Variants in DENND3 observed in about 807,000 individuals in gnomAD.
DENND3 encodes the protein DENN domain containing 3, also known as DENN domain-containing protein 3.
Under a neutral mutation model 135.1 loss-of-function variants are expected in DENND3, and 88 were observed. The ratio of observed to expected loss-of-function variants is 0.65; its 90% CI spans 0.55 to 0.78. The LOEUF is 0.78. Ranked by LOEUF, DENND3 falls within the 30% of genes least tolerant of loss-of-function variation. The pLI, the probability that DENND3 is intolerant of heterozygous loss-of-function variation, is 0.00. For missense variants in DENND3, 1,392 were observed against 1,688.4 expected (o/e 0.82, Z 3.08); for synonymous variants, 693 against 712.3 (o/e 0.97, Z 0.43).
rs1185588730 is a variant in DENND3 at position 141,137,101 on chromosome 8, T to C, written c.385+310T>C. 6.6e-6 allele frequency among the ~76,000 whole-genome samples: 1 copy of C among 152,166 alleles called. No individual in the cohort carries two copies. Among genetic ancestry groups the C allele is most frequent in the Non-Finnish European group, 1.5e-5 (1 of 68,024 alleles). ...TTCAAGTGATTCTTCTGCGTCAGCC[T>C]CTCAAGTAGCTGGGATTACAGGTGC... On this transcript the variant is annotated intron_variant, in intron 2 of 22. Transcript: ENST00000519811. This position sits in a 1 kb window ranked among gnomAD's most constrained non-coding sequence, Gnocchi z 4.1.
chr8:141,141,113 T>G lies in DENND3; in HGVS notation c.502-90T>G. The G allele has an allele frequency of 1.3e-6, 2 of 1,589,938 alleles. No homozygotes were observed. Among genetic ancestry groups the G allele is most frequent in the Non-Finnish European group, 1.7e-6 (2 of 1,164,420 alleles). ...GGGTGGGGATGGTGGACTCTCAGCT[T>G]GCTGTGTGCTGAAACGTGACCCAGT... On this transcript the variant is annotated intron_variant, in intron 3 of 22. Coordinates refer to ENST00000519811, the MANE Select transcript of DENND3 (RefSeq NM_001352890.3). The surrounding 1 kb of genome is among the most constrained non-coding windows in gnomAD (Gnocchi z 5.3).
At chr8:141,190,598 G>T in intron 20 of DENND3, 181 bp downstream of exon 20, 2 of 921,198 alleles carry the variant, frequency 2.2e-6, no homozygotes, top group Non-Finnish European at 3.0e-6. Context: ...TGCTCCTGGG[G>T]GCTCCCCAGG....
Position 141,163,427 on chromosome 8 carries a change from C to T in DENND3, c.1447C>T (p.Gln483Ter), listed in dbSNP as rs1290215150. ...RAPGDHQFYK[Q>*]VLDTYMFHSF... ...TCCAGGGGACCATCAGTTTTATAAG[C>T]AGGTGAGAGCTGTGGGATTTGGGTG... The change falls in exon 10 of 23, where the codon CAG (glutamine) becomes TAG (stop). Residue 483 changes from glutamine to a stop codon, truncating the protein, a stop_gained and splice_region_variant. Transcript: ENST00000519811. LOFTEE classifies it high-confidence loss of function. The T allele has an allele frequency of 6.2e-7, 1 of 1,604,768 alleles. No homozygotes were observed.
rs1021266305 is a variant in DENND3, at chr8:141,138,973, T to C, written c.501+836T>C. 3.9e-5 allele frequency among the ~76,000 whole-genome samples: 6 copies of C among 152,212 alleles called. No individual in the cohort carries two copies. The highest frequency in any genetic ancestry group is 1.4e-4 in the African/African-American group (6 of 41,438). On this transcript the variant is annotated intron_variant, in intron 3 of 22. Transcript: ENST00000519811. The surrounding 1 kb of genome is among the most constrained non-coding windows in gnomAD (Gnocchi z 4.8). ...CGTTTAGACTTTACAACACATTACA[T>C]CTGTCACACATATTGGGAGTGTTGT...
chr8:141,141,685 C>T lies in DENND3; in HGVS notation c.623+361C>T. On this transcript the variant is annotated intron_variant, in intron 4 of 22. Transcript: ENST00000519811. The surrounding 1 kb of genome is among the most constrained non-coding windows in gnomAD (Gnocchi z 5.3). ...ACAAAAAGGCATATATTAGGAAAAA[C>T]TCTTTTCCTAGCTGAGAATATTAGG... 4.3e-6 allele frequency: 1 copy of T among 231,192 alleles called. No homozygotes were observed. The highest frequency in any genetic ancestry group is 5.5e-5 in the South Asian group (1 of 18,220). The allele number at this position is 231,192 out of a possible 1,614,324, so 14.3% of individuals were successfully genotyped here. A position where few individuals can be genotyped will look rare whatever the true frequency, so the allele number is the denominator to read the frequency against.
chr8:141,192,166 A>G, intron 20 of DENND3, 165 bp from the exon 21 acceptor site: 1 of 853,640 alleles, frequency 1.2e-6, no homozygotes, highest in Non-Finnish European at 1.7e-6. Context: ...TCTAGCTTGC[A>G]TTTTTTCCCA....
At chr8:141,142,680 G>A (rs899571709) in intron 4 of DENND3, 10 of 247,090 alleles carry the variant, frequency 4.0e-5, no homozygotes, top group East Asian at 1.5e-4. Flanking sequence ...TGTCACCAGC[G>A]CCCAGGAAGT....
rs370424912 is a variant in DENND3, at chr8:141,150,878, A to G, written c.780A>G (p.Ala260=). ...TCCAGATTGTGTTACCTGCCCGAGC[A>G]GACCCCGAAAGCCCCATCCTGGACC... ...KSLQIVLPAR[A]DPESPILDLD... is the part of the protein sequence containing the mutation. Residue 260 remains alanine (A), a synonymous_variant, in exon 6 of 23, where the codon GCA becomes GCG. Transcript: ENST00000519811. 6.2e-7 allele frequency: 1 copy of G among 1,609,736 alleles called. No homozygotes were observed. The highest frequency in any genetic ancestry group is 1.3e-5 in the African/African-American group (1 of 74,734).
At position 141,194,057 on chromosome 8, in the gene DENND3, G is replaced by C; in HGVS notation, c.3661G>C (p.Gly1221Arg). ...GGTCTGGGTGGGCAGCCGAGGGCTG[G>C]GGCAGGGAACACCCAAGGGGAAAAT... The part of the protein sequence containing the change: ...KQVWVGSRGL[G>R]QGTPKGKIYV... The change falls in exon 23 of 23, where the codon GGG becomes CGG. Residue 1221 changes from glycine to arginine, a missense_variant. Physicochemically the swap from Gly to Arg is moderately radical, Grantham distance 125. Coordinates refer to ENST00000519811, the MANE Select transcript of DENND3 (RefSeq NM_001352890.3). The C allele has an allele frequency of 9.3e-6, 15 of 1,613,804 alleles. No individual in the cohort carries two copies. Among genetic ancestry groups the C allele is most frequent in the Non-Finnish European group, 1.3e-5 (15 of 1,180,012 alleles).
intron 13 of DENND3, among the ~76,000 whole-genome samples, chr8:141,170,044 C>T (rs1319559794): frequency 2.6e-5 from 4 of 152,276 alleles, no homozygotes; most frequent in Admixed American, 2.6e-4. Context: ...AGGCAGCACA[C>T]ATTCCTCAGT....
rs1823714336 is a variant in DENND3 at position 141,185,043 on chromosome 8, G to A, written c.2945-96G>A. 5 of 1,486,766 alleles carry A rather than the reference G, an allele frequency of 3.4e-6. No homozygotes were observed. In the African/African-American group the frequency reaches 5.6e-5, roughly 17 times the overall value. The allele number at this position is 1,486,766 out of a possible 1,614,324, so 92.1% of individuals were successfully genotyped here. On this transcript the variant is annotated intron_variant, in intron 17 of 22. Transcript: ENST00000519811. ...GCACCTAACATGGGCCTGGCGCTTA[G>A]GAGGGCCCAGGAGGCACCTGAGTAA... is the stretch of plus-strand genomic sequence containing the variant.
At chr8:141,161,193 G>C (rs1445874069) in intron 9 of DENND3, among the ~76,000 whole-genome samples, 1 of 152,176 alleles carries the variant, frequency 6.6e-6, no homozygotes, top group Non-Finnish European at 1.5e-5. Context: ...TGCTGGCTCC[G>C]GGCTCTGGCT....
intron 8 of DENND3, chr8:141,157,863 G>T: frequency 1.1e-6 from 1 of 881,136 alleles, no homozygotes; most frequent in African/African-American, 1.8e-5. Context: ...AGGTTCAAGC[G>T]ATTCTCCTGC....
At position 141,141,214 on chromosome 8, in the gene DENND3, T is replaced by C. The variant is rs945092952; in HGVS notation, c.513T>C (p.Cys171=). The C allele has an allele frequency of 5.0e-6, 8 of 1,614,030 alleles. No homozygotes were observed. The highest frequency in any genetic ancestry group is 6.8e-6 in the Non-Finnish European group (8 of 1,180,010). The part of the protein sequence containing the change: ...QYYRPLHDEY[C]FYNGKTHREC... ...TGCTTTTCATGTAGGATGAGTACTG[T>C]TTCTACAATGGCAAAACGCACCGGG... is the stretch of plus-strand genomic sequence containing the variant. The change falls in exon 4 of 23, where the codon TGT becomes TGC. Residue 171 remains cysteine (C), a synonymous_variant. Transcript: ENST00000519811. The surrounding 1 kb of genome is among the most constrained non-coding windows in gnomAD (Gnocchi z 5.3).
Position 141,194,396 on chromosome 8 carries a change from G to A in DENND3, c.*163G>A, listed in dbSNP as rs958444385. 5.1e-6 allele frequency: 4 copies of A among 779,652 alleles called. No individual in the cohort carries two copies. In the African/African-American group the frequency reaches 5.2e-5, roughly 10 times the overall value. 48.3% of individuals were successfully genotyped at this position (779,652 alleles called of 1,614,324 possible). A position where few individuals can be genotyped will look rare whatever the true frequency, so the allele number is the denominator to read the frequency against. ...GGCCAGCCGCGAGACCCATGGCCACGCACCTTCTCTCAGGCCTTCGGGCCC... is the reference window on the plus strand; with the variant it reads ...GGCCAGCCGCGAGACCCATGGCCACACACCTTCTCTCAGGCCTTCGGGCCC... On this transcript the variant is annotated 3_prime_UTR_variant, in exon 23 of 23. Transcript: ENST00000519811.
chr8:141,181,117 C>A (rs563866090), intron 17 of DENND3, among the ~76,000 whole-genome samples: 1 of 152,362 alleles, frequency 6.6e-6, no homozygotes, highest in East Asian at 1.9e-4. Context: ...GCTCCCGCCC[C>A]AGGGCTGCCG....
chr8:141,175,343 A>G lies in DENND3; in HGVS notation c.2419A>G (p.Ser807Gly). The G allele has an allele frequency of 1.9e-6, 3 of 1,614,252 alleles. No individual in the cohort carries two copies. The highest frequency in any genetic ancestry group is 2.5e-6 in the Non-Finnish European group (3 of 1,180,046). ...AAACGAGTGTGTGTGTAAGTTGTCC[A>G]GCTCCGTCAAGACAAACCTAGGCGT... Reference protein sequence around the residue: ...DKNECVCKLSSSVKTNLGVGK... With the variant: ...DKNECVCKLSGSVKTNLGVGK... The change falls in exon 14 of 23, where the codon AGC becomes GGC. Residue 807 changes from serine (S) to glycine (G), a missense_variant. Ser to Gly is a moderately conservative substitution (Grantham distance 56). Transcript: ENST00000519811. The surrounding 1 kb of genome is among the most constrained non-coding windows in gnomAD (Gnocchi z 5.4).
rs567028897 is a variant in DENND3 at position 141,182,637 on chromosome 8, C to T, written c.2944+1783C>T. On this transcript the variant is annotated intron_variant, in intron 17 of 22. Transcript: ENST00000519811. The surrounding 1 kb of genome is among the most constrained non-coding windows in gnomAD (Gnocchi z 5.9). ...AAGCAGCCGTGGGGAATGGGGAAAC[C>T]GCCTTTTCCTGTGGCTGCCGATTCT... is the stretch of plus-strand genomic sequence containing the variant. 10 of 377,894 alleles carry T rather than the reference C, an allele frequency of 2.6e-5. No homozygotes were observed. The highest frequency in any genetic ancestry group is 1.3e-4 in the African/African-American group (6 of 45,076). The allele number at this position is 377,894 out of a possible 1,614,324, so 23.4% of individuals were successfully genotyped here. A position where few individuals can be genotyped will look rare whatever the true frequency, so the allele number is the denominator to read the frequency against.
rs1818090122 is a variant in DENND3 at position 141,146,041 on chromosome 8, G to A, written c.735+1782G>A. On this transcript the variant is annotated intron_variant, in intron 5 of 22. Transcript: ENST00000519811. This position sits in a 1 kb window ranked among gnomAD's most constrained non-coding sequence, Gnocchi z 4.3. ...TTTTTGTATTTTTAGTAGAGATGGG[G>A]TTTCACCTTGTTAGCCAGGGTGGTC... 6.6e-6 allele frequency among the ~76,000 whole-genome samples: 1 copy of A among 151,630 alleles called. No homozygotes were observed. The highest frequency in any genetic ancestry group is 2.4e-5 in the African/African-American group (1 of 41,282).
Sources: gnomAD v4.1 joint callset for allele counts (sites outside exome capture counted in the v4.1 genomes callset) on GRCh38, gnomAD v4.1.1 for gene constraint, Gnocchi (gnomAD v3.1) non-coding constraint, MANE v1.5 for transcripts, NCBI Gene and HGNC (gene_info 2026-07-23, HGNC 2026-07-21) for gene names.